The following NAV2 variants were observed in gnomAD, a reference collection of about 807,000 sequenced individuals.
NAV2 encodes the protein neuron navigator 2, also known as helicase, APC down-regulated 1.
A neutral mutation model predicts 223.2 loss-of-function variants in NAV2; 54 were observed. The observed-to-expected ratio is 0.24, with a 90% CI of 0.19 to 0.30. The LOEUF (loss-of-function observed/expected upper bound fraction) is 0.30, where lower values mean the gene tolerates loss of function less well. Among genes scored for constraint, NAV2 ranks in the 10% least tolerant of loss-of-function variants. The pLI is 1.00. For missense variants in NAV2, 2,806 were observed against 3,147.5 expected, an observed-to-expected ratio of 0.89 and a Z score of 2.60; for synonymous variants, 1,279 against 1,239.3, an observed-to-expected ratio of 1.03 and a Z score of -0.67.
At chr11:19,779,894 A>G (rs2056601720) in intron 1 of NAV2, among the ~76,000 whole-genome samples, 1 of 152,208 alleles carries the variant, frequency 6.6e-6, no homozygotes, top group African/African-American at 2.4e-5. Context: ...CCCTGGGAAC[A>G]TCTTGGAAGT....
chr11:19,567,837 A>AGGAAG (rs1279557508), intron 1 of NAV2, among the ~76,000 whole-genome samples: 9 of 152,326 alleles, frequency 5.9e-5, no homozygotes, highest in Non-Finnish European at 1.2e-4. Context: ...TGCTCAGGTT[A>AGGAAG]AAGTTCCTCC....
rs146194112 is a variant in NAV2, at chr11:20,085,438, T to C, written c.5498+2259T>C. ...AGGAAAATTAGAGAGTGCTAAGGGC[T>C]AATGCTGTGAATTAAAACAGTGCTG... On this transcript the variant is annotated intron_variant, in intron 26 of 37. Transcript: ENST00000349880. Among the ~76,000 whole-genome samples the C allele has an allele frequency of 5.8e-3, 877 of 152,292 alleles. 4 individuals are homozygous for C. The highest frequency in any genetic ancestry group is 9.3e-3 in the Non-Finnish European group (635 of 68,016).
chr11:19,429,182 G>A (rs1850949653), intron 1 of NAV2, among the ~76,000 whole-genome samples: 1 of 152,192 alleles, frequency 6.6e-6, no homozygotes, highest in African/African-American at 2.4e-5. Context: ...CAGAGGTGGT[G>A]GTTTCCAGGT....
chr11:19,629,631 A>G (rs1323976853), intron 1 of NAV2, among the ~76,000 whole-genome samples: 1 of 149,908 alleles, frequency 6.7e-6, no homozygotes, highest in Non-Finnish European at 1.5e-5. Flanking sequence ...TCCCCCTCCC[A>G]TCTTTGGACA....
intron 1 of NAV2, among the ~76,000 whole-genome samples, chr11:19,456,252 A>T (rs1436521858): frequency 6.6e-6 from 1 of 152,204 alleles, no homozygotes; most frequent in African/African-American, 2.4e-5. Flanking sequence ...ATATTCCTTC[A>T]TGTGATCTTG....
chr11:19,649,071 T>C (rs895614630), intron 1 of NAV2, among the ~76,000 whole-genome samples: 1 of 152,254 alleles, frequency 6.6e-6, no homozygotes, highest in South Asian at 2.1e-4. Flanking sequence ...TATTCTATCA[T>C]GTGTACTTAC....
chr11:19,679,949 T>G (rs949177830), intron 1 of NAV2, among the ~76,000 whole-genome samples: 4 of 152,198 alleles, frequency 2.6e-5, no homozygotes, highest in African/African-American at 9.6e-5. Context: ...CCCTACCTAT[T>G]GGGCACAAGA....
intron 1 of NAV2, among the ~76,000 whole-genome samples, chr11:19,554,295 C>T (rs1281812731): frequency 1.3e-5 from 2 of 152,226 alleles, no homozygotes; most frequent in African/African-American, 4.8e-5. Context: ...TAAGGCCACA[C>T]AGCTAGCCAA....
At chr11:19,936,026 A>ATT (rs11315576) in intron 7 of NAV2, among the ~76,000 whole-genome samples, 3,105 of 139,448 alleles carry the variant, frequency 0.022, 130 homozygotes, top group African/African-American at 0.079. Flanking sequence ...TGCCTGGCTA[A>ATT]TTTTTTTTTT....
chr11:19,490,030 T>C (rs543627989), intron 1 of NAV2, among the ~76,000 whole-genome samples: 2 of 152,342 alleles, frequency 1.3e-5, no homozygotes, highest in East Asian at 3.9e-4. Context: ...ATAGAAGTTA[T>C]ATTTATGCTA....
intron 10 of NAV2, among the ~76,000 whole-genome samples, chr11:19,962,835 A>T (rs1177216613): frequency 6.6e-6 from 1 of 152,166 alleles, no homozygotes; most frequent in Non-Finnish European, 1.5e-5. Context: ...AATCAAGCCC[A>T]CATTCACTTC....
chr11:19,669,106 C>T (rs911757692), intron 1 of NAV2, among the ~76,000 whole-genome samples: 1 of 152,186 alleles, frequency 6.6e-6, no homozygotes, highest in African/African-American at 2.4e-5. Context: ...GACAGTGCAG[C>T]CAGCACCAAA....
intron 1 of NAV2, among the ~76,000 whole-genome samples, chr11:19,773,578 C>T (rs930988096): frequency 2.6e-5 from 4 of 152,044 alleles, no homozygotes; most frequent in African/African-American, 4.8e-5. Context: ...GATCTCTTTC[C>T]GCTACTTCAC....
At chr11:19,390,242 C>CTA (rs1849195316) in intron 1 of NAV2, among the ~76,000 whole-genome samples, 1 of 152,094 alleles carries the variant, frequency 6.6e-6, no homozygotes, top group African/African-American at 2.4e-5. Flanking sequence ...GACTTGTTTT[C>CTA]TATACCCTCT....
intron 1 of NAV2, chr11:19,504,368 A>G (rs376291321): frequency 2.6e-5 from 4 of 152,184 alleles, no homozygotes; most frequent in South Asian, 2.1e-4. Flanking sequence ...CTTCAATCCT[A>G]CTGTCATAGA....
chr11:20,051,361 G>A, intron 17 of NAV2, 28 bp downstream of exon 17: 3 of 1,610,750 alleles, frequency 1.9e-6, no homozygotes, highest in Non-Finnish European at 1.7e-6. Flanking sequence ...TTGCATCTGT[G>A]CCATCTGTTG....
At chr11:19,579,823 G>A (rs1016645408) in intron 1 of NAV2, among the ~76,000 whole-genome samples, 2 of 152,060 alleles carry the variant, frequency 1.3e-5, no homozygotes, top group Non-Finnish European at 2.9e-5. Context: ...GCATCTCTAG[G>A]CCCCTCTTGG....
intron 1 of NAV2, among the ~76,000 whole-genome samples, chr11:19,486,675 A>G (rs1353820844): frequency 6.6e-6 from 1 of 152,196 alleles, no homozygotes; most frequent in Non-Finnish European, 1.5e-5. Flanking sequence ...CTGTGAGTCA[A>G]TTAAACCTCT....
chr11:19,544,696 A>G (rs7950505), intron 1 of NAV2, among the ~76,000 whole-genome samples: 43,865 of 152,040 alleles, frequency 0.29, 8,913 homozygotes, highest in African/African-American at 0.59. Flanking sequence ...TTATCCTGCT[A>G]GACACAGTGC....
Sources: gnomAD v4.1 joint callset for allele counts (sites outside exome capture counted in the v4.1 genomes callset) on GRCh38, gnomAD v4.1.1 for gene constraint, MANE v1.5 for transcripts, NCBI Gene and HGNC (gene_info 2026-07-23, HGNC 2026-07-21) for gene names.